RBFOX1: variants seen among roughly 807,000 people sequenced by gnomAD.
RBFOX1 encodes RNA binding protein fox-1 homolog 1.
A neutral mutation model predicts 57.7 loss-of-function variants in RBFOX1; 8 were observed. The observed-to-expected ratio is 0.14, with a 90% CI of 0.08 to 0.25. The LOEUF is 0.25. RBFOX1 is among the 10% of genes least tolerant of loss of function. RBFOX1 has a pLI of 1.00. For synonymous variants in RBFOX1, 326 were observed against 222.4 expected (o/e 1.47, Z -4.15); for missense variants, 611 against 548.5 (o/e 1.11, Z -1.14).
intron 4 of RBFOX1, among the ~76,000 whole-genome samples, chr16:7,432,560 A>G (rs1306860909): frequency 6.6e-6 from 1 of 152,198 alleles, no homozygotes; most frequent in East Asian, 1.9e-4. Flanking sequence ...AACACTTTTA[A>G]GCTTTGTGGG....
chr16:6,564,363 C>A lies in RBFOX1; in HGVS notation c.-63-90240C>A, dbSNP rs572167745. Among the ~76,000 whole-genome samples the A allele has an allele frequency of 1.1e-4, 17 of 152,104 alleles. No homozygotes were observed. In the South Asian group the frequency reaches 3.5e-3, roughly 32 times the overall value. On this transcript the variant is annotated intron_variant, in intron 2 of 15. Coordinates refer to ENST00000550418, the MANE Select transcript of RBFOX1 (RefSeq NM_018723.4). ...TATAAAAAGAAGGAAATACTGTGTT[C>A]GTAAAAACATGGTGTGAACCCAGGA...
rs185999390 is a variant in RBFOX1 at position 5,257,488 on chromosome 16, C to T, written c.219+17383C>T. ...GTTTCTTCCCATCCTTTTCCTTGTT[C>T]TGCCTCTCTCCTCCTCTCCAAGAGA... On this transcript the variant is annotated intron_variant, in intron 1 of 2. Coordinates refer to the RBFOX1 transcript ENST00000585867. Among the ~76,000 whole-genome samples the T allele has an allele frequency of 1.3e-3, 193 of 152,322 alleles. 1 individual carries two copies. The highest frequency in any genetic ancestry group is 4.2e-3 in the African/African-American group (175 of 41,576).
At chr16:6,835,752 T>TTA (rs2093047287) in intron 3 of RBFOX1, among the ~76,000 whole-genome samples, 1 of 76,986 alleles carries the variant, frequency 1.3e-5, no homozygotes, top group South Asian at 6.5e-4. Context: ...AGACTCTGCT[T>TTA]AAAAAAAAAA....
At chr16:5,380,034 C>G (rs2066091117) in intron 1 of RBFOX1, among the ~76,000 whole-genome samples, 1 of 152,144 alleles carries the variant, frequency 6.6e-6, no homozygotes, top group African/African-American at 2.4e-5. Context: ...GGGCACAGCA[C>G]CCAGCTGTGA....
chr16:6,828,523 A>T (rs988738394), intron 3 of RBFOX1, among the ~76,000 whole-genome samples: 25 of 137,648 alleles, frequency 1.8e-4, no homozygotes, highest in African/African-American at 5.9e-4. Context: ...ACGTGTCTTT[A>T]AAAAAAAAAA....
chr16:5,469,634 G>C (rs2069066640), intron 2 of RBFOX1, among the ~76,000 whole-genome samples: 1 of 152,084 alleles, frequency 6.6e-6, no homozygotes, highest in Non-Finnish European at 1.5e-5. Flanking sequence ...ACCCCCAAAG[G>C]AGACCCTGCG....
intron 2 of RBFOX1, among the ~76,000 whole-genome samples, chr16:6,467,869 G>A (rs1034879802): frequency 2.0e-5 from 3 of 152,192 alleles, no homozygotes; most frequent in Non-Finnish European, 4.4e-5. Context: ...TAAAGTTACT[G>A]AGTTTGATAA....
intron 4 of RBFOX1, among the ~76,000 whole-genome samples, chr16:7,424,158 G>C (rs1026044194): frequency 1.3e-5 from 2 of 152,046 alleles, no homozygotes; most frequent in Admixed American, 6.6e-5. Flanking sequence ...CAATGATAAA[G>C]TGACTCCAGT....
chr16:6,025,152 A>C (rs2152369978), intron 1 of RBFOX1, among the ~76,000 whole-genome samples: 1 of 152,318 alleles, frequency 6.6e-6, no homozygotes, highest in African/African-American at 2.4e-5. Context: ...GGTGTTTTTG[A>C]GATGAGTGAA....
At chr16:7,127,339 A>T (rs895156126) in intron 4 of RBFOX1, among the ~76,000 whole-genome samples, 1 of 152,224 alleles carries the variant, frequency 6.6e-6, no homozygotes, top group African/African-American at 2.4e-5. Flanking sequence ...TAAAAGTAAC[A>T]ATCTCAGGTC....
At chr16:7,282,927 G>C (rs748086667) in intron 4 of RBFOX1, among the ~76,000 whole-genome samples, 18 of 152,120 alleles carry the variant, frequency 1.2e-4, no homozygotes, top group Non-Finnish European at 2.5e-4. Context: ...CTTTTTTATG[G>C]TTGAGTAGTC....
At chr16:5,985,944 G>A (rs2060277286) in intron 4 of RBFOX1, among the ~76,000 whole-genome samples, 1 of 152,058 alleles carries the variant, frequency 6.6e-6, no homozygotes, top group Admixed American at 6.6e-5. Context: ...ATGGACTTAG[G>A]AATCCATTAG....
chr16:5,797,471 TG>T (rs1029707314), intron 3 of RBFOX1, among the ~76,000 whole-genome samples: 3 of 152,226 alleles, frequency 2.0e-5, no homozygotes, highest in African/African-American at 7.2e-5. Context: ...TGGCTGTATC[TG>T]GCTTCCAGAC....
At position 7,247,915 on chromosome 16, in the gene RBFOX1, G is replaced by A. The variant is rs553519981; in HGVS notation, c.27+195817G>A. ...GGGTGGAGGGTGGGAGTAGGGAGAG[G>A]ATCAGGAAAAATAACTAATGAGTAC... On this transcript the variant is annotated intron_variant, in intron 4 of 15. Coordinates refer to ENST00000550418, the MANE Select transcript of RBFOX1 (RefSeq NM_018723.4). 3.5e-3 allele frequency among the ~76,000 whole-genome samples: 529 copies of A among 152,218 alleles called. 2 individuals carry two copies. The highest frequency in any genetic ancestry group is 5.4e-3 in the Non-Finnish European group (367 of 68,020).
In RBFOX1 at chr16:6,115,399, T is replaced by C. The variant is rs186319508; in HGVS notation, c.-127+95407T>C. ...AGGCAAAAAGAGGTCTTTATTATTA[T>C]GATAATTTTATAAAATAAAGTGAAT... On this transcript the variant is annotated intron_variant, in intron 1 of 15. Transcript: ENST00000550418. Among the ~76,000 whole-genome samples, 53 of 149,810 alleles carry C rather than the reference T, an allele frequency of 3.5e-4. No homozygotes were observed. In the Middle Eastern group the frequency reaches 0.017, roughly 49 times the overall value.
At chr16:7,175,245 T>C (rs1375985532) in intron 4 of RBFOX1, among the ~76,000 whole-genome samples, 1 of 152,132 alleles carries the variant, frequency 6.6e-6, no homozygotes, top group African/African-American at 2.4e-5. Flanking sequence ...TTCCTCTCCC[T>C]GTGCCCATGT....
intron 3 of RBFOX1, among the ~76,000 whole-genome samples, chr16:7,027,158 A>T (rs1445854736): frequency 6.6e-6 from 1 of 152,158 alleles, no homozygotes; most frequent in African/African-American, 2.4e-5. Flanking sequence ...TACCCTCCTT[A>T]CGAGACTGAG....
At chr16:5,301,724 G>A (rs1042954514) in intron 1 of RBFOX1, among the ~76,000 whole-genome samples, 2 of 151,352 alleles carry the variant, frequency 1.3e-5, no homozygotes, top group Admixed American at 6.6e-5. Context: ...CTGGCTGACA[G>A]CTTGATTGCA....
chr16:5,653,577 A>ATTGCCTCTCCCTGACCTCCT (rs1465453055), intron 3 of RBFOX1, among the ~76,000 whole-genome samples: 2 of 152,056 alleles, frequency 1.3e-5, no homozygotes, highest in East Asian at 3.9e-4. Context: ...GCCTGGGGTG[A>ATTGCCTCTCCCTGACCTCCT]TTGCCTCTCC....
Sources: gnomAD v4.1 joint callset for allele counts (sites outside exome capture counted in the v4.1 genomes callset) on GRCh38, gnomAD v4.1.1 for gene constraint, MANE v1.5 for transcripts, NCBI Gene and HGNC (gene_info 2026-07-23, HGNC 2026-07-21) for gene names.